TRAPPC9: variants seen among roughly 807,000 people sequenced by gnomAD.
TRAPPC9 encodes the protein IKK2 binding protein.
TRAPPC9 carries 83 observed loss-of-function variants against 124.0 expected under a neutral mutation model. That is an observed-to-expected ratio of 0.67 (90% CI 0.56 to 0.80). TRAPPC9 has a LOEUF of 0.80. Among genes scored for constraint, TRAPPC9 ranks in the 30% least tolerant of loss-of-function variants. The probability of loss-of-function intolerance (pLI) is 0.00; values close to 1 mark genes in which losing one functional copy is unlikely to be tolerated. For missense variants in TRAPPC9, 1,302 were observed against 1,508.3 expected, an observed-to-expected ratio of 0.86 and a Z score of 2.27; for synonymous variants, 638 against 617.5, an observed-to-expected ratio of 1.03 and a Z score of -0.49.
chr8:140,263,248 C>G (rs1207449101), intron 15 of TRAPPC9, among the ~76,000 whole-genome samples: 1 of 152,202 alleles, frequency 6.6e-6, no homozygotes, highest in Non-Finnish European at 1.5e-5. Context: ...TGCCCCCGCC[C>G]TGCCCACTGC....
At chr8:140,077,738 G>A (rs1009942723) in intron 17 of TRAPPC9, among the ~76,000 whole-genome samples, 1 of 152,156 alleles carries the variant, frequency 6.6e-6, no homozygotes, top group Admixed American at 6.5e-5. Context: ...AGGCCCCAGG[G>A]ATGGGACCAG....
intron 11 of TRAPPC9, among the ~76,000 whole-genome samples, chr8:140,297,128 C>A (rs761641689): frequency 5.7e-4 from 87 of 152,180 alleles, no homozygotes; most frequent in Non-Finnish European, 1.0e-3. Flanking sequence ...CCGCAACACA[C>A]GCTGGAGCAC....
chr8:140,366,696 G>A (rs1385893542), intron 8 of TRAPPC9, among the ~76,000 whole-genome samples: 1 of 152,072 alleles, frequency 6.6e-6, no homozygotes, highest in East Asian at 1.9e-4. Flanking sequence ...AACACCCAAG[G>A]TATAACCCAT....
chr8:140,105,597 C>CAGA (rs1430073167), intron 17 of TRAPPC9, among the ~76,000 whole-genome samples: 93 of 152,302 alleles, frequency 6.1e-4, no homozygotes, highest in African/African-American at 2.1e-3. Flanking sequence ...GTGGACCTTT[C>CAGA]TGGAATGAGC....
intron 21 of TRAPPC9, among the ~76,000 whole-genome samples, chr8:139,749,661 C>T (rs1385272061): frequency 6.6e-6 from 1 of 152,190 alleles, no homozygotes; most frequent in African/African-American, 2.4e-5. Flanking sequence ...GATGTGGTGA[C>T]AGCCAAAGCT....
At chr8:139,839,929 T>C (rs1275071534) in intron 21 of TRAPPC9, among the ~76,000 whole-genome samples, 1 of 152,240 alleles carries the variant, frequency 6.6e-6, no homozygotes, top group Admixed American at 6.5e-5. Context: ...GCCAACAGAC[T>C]TCACTTTCTG....
At chr8:140,137,543 C>T (rs1409761211) in intron 17 of TRAPPC9, among the ~76,000 whole-genome samples, 4 of 152,216 alleles carry the variant, frequency 2.6e-5, no homozygotes, top group Non-Finnish European at 5.9e-5. Flanking sequence ...CCTCACCCCA[C>T]GCTGCCCACT....
intron 21 of TRAPPC9, among the ~76,000 whole-genome samples, chr8:139,873,861 G>A (rs534936049): frequency 1.2e-3 from 185 of 152,344 alleles, no homozygotes; most frequent in Non-Finnish European, 2.2e-3. Flanking sequence ...TCTGGCCTCC[G>A]GAAACAAACA....
At chr8:140,151,577 C>A (rs752440734) in intron 17 of TRAPPC9, among the ~76,000 whole-genome samples, 1 of 152,112 alleles carries the variant, frequency 6.6e-6, no homozygotes, top group South Asian at 2.1e-4. Flanking sequence ...TATGAGGACA[C>A]CAGGCACATT....
At chr8:140,228,181 T>C (rs576481906) in intron 16 of TRAPPC9, among the ~76,000 whole-genome samples, 8 of 152,344 alleles carry the variant, frequency 5.3e-5, no homozygotes, top group Admixed American at 5.2e-4. Context: ...TTTTACTCTC[T>C]TGTGAGAGGC....
chr8:140,157,005 TC>T (rs1462578113), intron 17 of TRAPPC9, among the ~76,000 whole-genome samples: 1 of 99,550 alleles, frequency 1.0e-5, no homozygotes, highest in Admixed American at 9.6e-5. Context: ...GCCTCCCTTT[TC>T]CATTCAGAAG....
intron 19 of TRAPPC9, among the ~76,000 whole-genome samples, chr8:139,987,545 CAGAGAGAGAG>C (rs34718647): frequency 6.7e-6 from 1 of 150,328 alleles, no homozygotes; most frequent in Non-Finnish European, 1.5e-5. Flanking sequence ...ATGAAAGAGG[CAGAGAGAGAG>C]AGAGAGAGAG....
chr8:140,258,190 G>A (rs760671854), intron 15 of TRAPPC9, among the ~76,000 whole-genome samples: 7 of 152,332 alleles, frequency 4.6e-5, no homozygotes, highest in Admixed American at 1.3e-4. Flanking sequence ...GAAACTCCCC[G>A]GAGAGACCGC....
chr8:139,780,121 A>G (rs988727218), intron 21 of TRAPPC9, among the ~76,000 whole-genome samples: 8 of 152,198 alleles, frequency 5.3e-5, no homozygotes, highest in African/African-American at 1.7e-4. Flanking sequence ...ATTTAATGCA[A>G]TACCAACCAT....
At chr8:140,453,998 T>C (rs994764105) in intron 1 of TRAPPC9, among the ~76,000 whole-genome samples, 3 of 152,166 alleles carry the variant, frequency 2.0e-5, no homozygotes, top group Non-Finnish European at 4.4e-5. Flanking sequence ...ATTTTAGAAG[T>C]ATCATCTCGG....
At chr8:140,018,521 G>A (rs1839629324) in intron 18 of TRAPPC9, among the ~76,000 whole-genome samples, 1 of 151,574 alleles carries the variant, frequency 6.6e-6, no homozygotes. Flanking sequence ...TAGAGATGGG[G>A]TTTCACCGTG....
chr8:140,008,522 G>A (rs1838906444), intron 18 of TRAPPC9: 1 of 152,262 alleles, frequency 6.6e-6, no homozygotes, highest in African/African-American at 2.4e-5. Flanking sequence ...GCCACTGATG[G>A]CAGCGTCCAG....
chr8:140,036,666 G>T (rs901573880), intron 17 of TRAPPC9, among the ~76,000 whole-genome samples: 1 of 152,026 alleles, frequency 6.6e-6, no homozygotes, highest in Non-Finnish European at 1.5e-5. Flanking sequence ...GGGAGAAGTC[G>T]GGCTGAAGAG....
chr8:140,246,032 A>G (rs1278327068), intron 16 of TRAPPC9, among the ~76,000 whole-genome samples: 2 of 152,250 alleles, frequency 1.3e-5, no homozygotes, highest in Non-Finnish European at 2.9e-5. Flanking sequence ...CGCAGTCTAC[A>G]TGAAAAGGCA....
Sources: gnomAD v4.1 joint callset for allele counts (sites outside exome capture counted in the v4.1 genomes callset) on GRCh38, gnomAD v4.1.1 for gene constraint, MANE v1.5 for transcripts, NCBI Gene and HGNC (gene_info 2026-07-23, HGNC 2026-07-21) for gene names.